Variants in PRKCH observed in about 807,000 individuals in gnomAD.
The protein encoded by PRKCH is protein kinase C eta type.
Under a neutral mutation model 82.5 loss-of-function variants are expected in PRKCH, and 28 were observed. The observed-to-expected ratio is 0.34, with a 90% confidence interval of 0.25 to 0.47. The LOEUF (loss-of-function observed/expected upper bound fraction) is 0.47. Ranked by LOEUF, PRKCH falls within the 20% of genes least tolerant of loss-of-function variation. The probability of loss-of-function intolerance (pLI) is 1.00; values close to 1 mark genes in which losing one functional copy is unlikely to be tolerated. For synonymous variants in PRKCH, 322 were observed against 327.4 expected (o/e 0.98, Z 0.18); for missense variants, 705 against 881.8 (o/e 0.80, Z 2.54).
chr14:61,546,809 A>T lies in PRKCH; in HGVS notation c.1762-934A>T, dbSNP rs150174444. On this transcript the variant is annotated intron_variant, in intron 12 of 13. Coordinates refer to ENST00000332981, the MANE Select transcript of PRKCH (RefSeq NM_006255.5). ...TTTTATCCAAGGCAATTTTCTTTCA[A>T]TATGGGAAATTAAATTAGCTTCAGT... is the stretch of plus-strand genomic sequence containing the variant. 1.8e-3 allele frequency among the ~76,000 whole-genome samples: 278 copies of T among 152,386 alleles called. 2 individuals carry two copies. Among genetic ancestry groups the T allele is most frequent in the African/African-American group, 6.5e-3 (271 of 41,598 alleles).
Position 61,485,556 on chromosome 14 carries a change from A to G in PRKCH, c.1333A>G (p.Ile445Val), listed in dbSNP as rs555052583. The change falls in exon 10 of 14, where the codon ATT becomes GTT. Residue 445 changes from isoleucine to valine, a missense_variant. Physicochemically the swap from Ile to Val is conservative, Grantham distance 29. Around this residue, in one of 5 missense-constraint regions of PRKCH, gnomAD observed 238 missense variants for 258.1 expected, o/e 0.92. Transcript: ENST00000332981. ...FVNGGDLMFH[I>V]QKSRRFDEAR... ...GAATGGGGGTGACTTGATGTTCCAC[A>G]TTCAGAAGTCTCGTCGTTTTGATGA... is the stretch of plus-strand genomic sequence containing the variant. 6.2e-7 allele frequency: 1 copy of G among 1,614,084 alleles called. No individual in the cohort carries two copies. The highest frequency in any genetic ancestry group is 1.7e-5 in the Admixed American group (1 of 60,004).
intron 2 of PRKCH, among the ~76,000 whole-genome samples, chr14:61,404,120 A>G (rs1390166296): frequency 6.6e-6 from 1 of 152,166 alleles, no homozygotes; most frequent in Non-Finnish European, 1.5e-5. Flanking sequence ...GTAGGTAGGA[A>G]GACCTGCTTC....
intron 1 of PRKCH, among the ~76,000 whole-genome samples, chr14:61,289,796 A>G (rs2045345259): frequency 1.3e-5 from 2 of 152,238 alleles, no homozygotes; most frequent in East Asian, 3.9e-4. Context: ...CAGAAGGAAT[A>G]TATTTTGTAA....
intron 1 of PRKCH, among the ~76,000 whole-genome samples, chr14:61,363,286 G>A (rs2046254443): frequency 6.6e-6 from 1 of 152,188 alleles, no homozygotes; most frequent in African/African-American, 2.4e-5. Context: ...GGGTGTAAAT[G>A]GCCAGATTTT....
intron 1 of PRKCH, among the ~76,000 whole-genome samples, chr14:61,361,782 G>C (rs149267531): frequency 2.6e-5 from 4 of 152,192 alleles, no homozygotes; most frequent in Non-Finnish European, 5.9e-5. Flanking sequence ...AAGGTAAGCT[G>C]ACTCATTTTC....
At chr14:61,356,602 T>C (rs1157861189) in intron 1 of PRKCH, among the ~76,000 whole-genome samples, 2 of 152,194 alleles carry the variant, frequency 1.3e-5, no homozygotes, top group African/African-American at 4.8e-5. Flanking sequence ...AGTAGTGTTA[T>C]TTTGATAATT....
intron 1 of PRKCH, among the ~76,000 whole-genome samples, chr14:61,207,351 T>G (rs1362433323): frequency 6.6e-6 from 1 of 152,078 alleles, no homozygotes; most frequent in East Asian, 1.9e-4. Flanking sequence ...CTGCTCTGGT[T>G]TCTCCTTGTT....
chr14:61,507,684 A>G (rs990344070), intron 10 of PRKCH, among the ~76,000 whole-genome samples: 1 of 152,164 alleles, frequency 6.6e-6, no homozygotes, highest in Admixed American at 6.5e-5. Context: ...AAAGACAGAT[A>G]CTGCATGATC....
chr14:61,188,604 GT>G lies in PRKCH; in HGVS notation c.-19+937del, dbSNP rs796716477. On this transcript the variant is annotated intron_variant, in intron 1 of 3. Transcript: ENST00000555185. ...GTGTGTGTGTCGGGGGGGTGGGGGG[GT>G]GGTGTGGTGTGTGTGTGTGTGTGTG... Among the ~76,000 whole-genome samples the G allele has an allele frequency of 3.8e-4, 23 of 61,274 alleles. 1 individual carries two copies. The highest frequency in any genetic ancestry group is 8.6e-3 in the Middle Eastern group (1 of 116). The allele number at this position is 61,274 out of a possible 152,430, so 40.2% of individuals were successfully genotyped here.
chr14:61,524,151 A>G (rs896640079), intron 10 of PRKCH, among the ~76,000 whole-genome samples: 1 of 152,250 alleles, frequency 6.6e-6, no homozygotes, highest in Non-Finnish European at 1.5e-5. Context: ...GACTCTAGTG[A>G]TCTAAGCAGT....
At chr14:61,193,629 G>A (rs2044422427) in intron 1 of PRKCH, among the ~76,000 whole-genome samples, 1 of 152,138 alleles carries the variant, frequency 6.6e-6, no homozygotes, top group African/African-American at 2.4e-5. Context: ...TCTCCCCAGA[G>A]GCTGGACTAA....
intron 9 of PRKCH, among the ~76,000 whole-genome samples, chr14:61,484,291 CTTTTTTT>C (rs71449556): frequency 5.8e-5 from 5 of 86,382 alleles, no homozygotes; most frequent in African/African-American, 2.2e-4. Flanking sequence ...GCTTGTGTCA[CTTTTTTT>C]TTTTTTTTTT....
chr14:61,307,813 T>C (rs1240411241), intron 1 of PRKCH, among the ~76,000 whole-genome samples: 1 of 152,200 alleles, frequency 6.6e-6, no homozygotes, highest in African/African-American at 2.4e-5. Context: ...AAAATAAACA[T>C]GCAGCTAAAT....
At chr14:61,311,392 A>G (rs192240527) in intron 1 of PRKCH, among the ~76,000 whole-genome samples, 2 of 152,338 alleles carry the variant, frequency 1.3e-5, no homozygotes, top group East Asian at 1.9e-4. Flanking sequence ...CCAGTGTTCA[A>G]TAAGTTCCTC....
At chr14:61,341,681 G>A (rs1022710125) in intron 1 of PRKCH, among the ~76,000 whole-genome samples, 4 of 152,204 alleles carry the variant, frequency 2.6e-5, no homozygotes, top group Non-Finnish European at 4.4e-5. Context: ...TGGAGGAGGT[G>A]ATGCACAAGT....
chr14:61,499,254 C>T (rs758201200), intron 10 of PRKCH, among the ~76,000 whole-genome samples: 5 of 152,158 alleles, frequency 3.3e-5, no homozygotes, highest in Non-Finnish European at 7.4e-5. Flanking sequence ...CTTTGTCTTG[C>T]AAATGTCAAA....
At chr14:61,188,460 G>C (rs1488237557) in intron 1 of PRKCH, among the ~76,000 whole-genome samples, 1 of 141,522 alleles carries the variant, frequency 7.1e-6, no homozygotes, top group Non-Finnish European at 1.5e-5. Context: ...CTCCCAGGCA[G>C]CGGCTCGGGC....
intron 1 of PRKCH, among the ~76,000 whole-genome samples, chr14:61,340,196 C>T (rs939912281): frequency 1.3e-5 from 2 of 152,036 alleles, no homozygotes; most frequent in Admixed American, 6.6e-5. Flanking sequence ...TGGCGAAGCC[C>T]AGGAGTGACA....
rs45541032 is a variant in PRKCH at position 61,280,457 on chromosome 14, G to T, written c.-19+92789G>T. 6.2e-7 allele frequency: 1 copy of T among 1,613,504 alleles called. No homozygotes were observed. Among genetic ancestry groups the T allele is most frequent in the African/African-American group, 1.3e-5 (1 of 74,924 alleles). On this transcript the variant is annotated intron_variant, in intron 1 of 3. Transcript: ENST00000555185. This position sits in a 1 kb window ranked among gnomAD's most constrained non-coding sequence, Gnocchi z 5.0. ...TCGGGGCTGAGCTCGTAGACTGGCCGGCGCCAGTTGGGCGGGGGCGCCGTG... is the reference window on the plus strand; with the variant it reads ...TCGGGGCTGAGCTCGTAGACTGGCCTGCGCCAGTTGGGCGGGGGCGCCGTG...
Sources: gnomAD v4.1 joint callset for allele counts (sites outside exome capture counted in the v4.1 genomes callset) on GRCh38, gnomAD v4.1.1 for gene constraint, gnomAD v4.1.1 regional missense constraint, Gnocchi (gnomAD v3.1) non-coding constraint, MANE v1.5 for transcripts, NCBI Gene and HGNC (gene_info 2026-07-23, HGNC 2026-07-21) for gene names.